The following NPHP4 variants were observed in gnomAD, a reference collection of about 807,000 sequenced individuals.
The protein encoded by NPHP4 is nephrocystin-4.
In NPHP4, 151 loss-of-function variants were observed where a neutral mutation model predicts 155.8. The ratio of observed to expected loss-of-function variants is 0.97; its 90% CI spans 0.85 to 1.11. NPHP4 has a LOEUF of 1.11. Among genes scored for constraint, NPHP4 ranks in the 50% least tolerant of loss-of-function variants. The pLI, the probability that NPHP4 is intolerant of heterozygous loss-of-function variation, is 0.00. For synonymous variants in NPHP4, 845 were observed against 816.8 expected (o/e 1.03, Z -0.59); for missense variants, 1,956 against 1,925.7 (o/e 1.02, Z -0.29).
chr1:5,963,549 A>G (rs1307789748), intron 5 of NPHP4, among the ~76,000 whole-genome samples: 3 of 152,194 alleles, frequency 2.0e-5, no homozygotes, highest in East Asian at 3.8e-4. Context: ...GGCGGGGCAC[A>G]CAGGAGAAAT....
intron 29 of NPHP4, 79 bp downstream of exon 29, chr1:5,863,811 C>T (rs1640891559): frequency 3.4e-6 from 5 of 1,481,058 alleles, no homozygotes; most frequent in Non-Finnish European, 3.8e-6. Flanking sequence ...GAGGAACTCG[C>T]TCCTAAATGC....
At chr1:5,886,696 A>T (rs893290276) in intron 18 of NPHP4, 1 of 152,334 alleles carries the variant, frequency 6.6e-6, no homozygotes, top group African/African-American at 2.4e-5. Context: ...CCCCTATCCC[A>T]GCATAGGCCT....
At chr1:5,901,874 A>T (rs533866161) in intron 16 of NPHP4, among the ~76,000 whole-genome samples, 29 of 152,268 alleles carry the variant, frequency 1.9e-4, no homozygotes, top group Middle Eastern at 3.4e-3. Flanking sequence ...CCTCAGGAGG[A>T]CTGAAAAAGG....
intron 25 of NPHP4, 113 bp downstream of exon 25, chr1:5,866,917 A>G: frequency 1.3e-6 from 1 of 792,770 alleles, no homozygotes. Flanking sequence ...GAAAGAAACC[A>G]CTTAGCAGAA....
At chr1:5,967,245 C>G in intron 5 of NPHP4, 54 bp downstream of exon 5, 3 of 1,377,726 alleles carry the variant, frequency 2.2e-6, no homozygotes, top group Non-Finnish European at 3.0e-6. Context: ...GTGGGGAACA[C>G]TCAGGGAAGG....
Position 5,880,398 on chromosome 1 carries a change from G to A in NPHP4, c.2486-159C>T, listed in dbSNP as rs1362911725. 7.2e-6 allele frequency: 5 copies of A among 691,438 alleles called. No homozygotes were observed. In the East Asian group the frequency reaches 1.4e-4, roughly 19 times the overall value. 42.8% of individuals were successfully genotyped at this position (691,438 alleles called of 1,614,324 possible). On this transcript the variant is annotated intron_variant, in intron 18 of 29. Transcript: ENST00000378156. ...TCTGTTTTGAATGTTTTGCAATTGA[G>A]AGACAGGTGGGAGCTCGTTCTGCTG...
chr1:5,977,001 T>C (rs1053688148), intron 3 of NPHP4, among the ~76,000 whole-genome samples: 5 of 152,136 alleles, frequency 3.3e-5, no homozygotes, highest in African/African-American at 1.2e-4. Context: ...ACCAGGCCTC[T>C]TGGGGCCTCC....
At chr1:5,938,269 C>A (rs1275559100) in intron 9 of NPHP4, among the ~76,000 whole-genome samples, 1 of 152,194 alleles carries the variant, frequency 6.6e-6, no homozygotes, top group African/African-American at 2.4e-5. Context: ...GCCCTTGAGG[C>A]GAACTTCACA....
At chr1:5,989,589 GCTTTAGCAA>G in intron 1 of NPHP4, among the ~76,000 whole-genome samples, 1 of 152,334 alleles carries the variant, frequency 6.6e-6, no homozygotes. Context: ...CCAAACAGAA[GCTTTAGCAA>G]AGCTACCCTC....
At chr1:5,931,489 C>T (rs1008880748) in intron 10 of NPHP4, among the ~76,000 whole-genome samples, 6 of 151,600 alleles carry the variant, frequency 4.0e-5, no homozygotes, top group African/African-American at 1.5e-4. Context: ...TCTGCAATCC[C>T]AGCACTTTGA....
At chr1:5,918,400 T>G (rs939490616) in intron 11 of NPHP4, among the ~76,000 whole-genome samples, 6 of 152,172 alleles carry the variant, frequency 3.9e-5, no homozygotes, top group African/African-American at 1.4e-4. Flanking sequence ...GGGTAAAAGA[T>G]GTACTTGGAA....
At chr1:5,955,029 GAA>G (rs1004499015) in intron 6 of NPHP4, among the ~76,000 whole-genome samples, 1 of 131,956 alleles carries the variant, frequency 7.6e-6, no homozygotes. Context: ...CAACTCAACA[GAA>G]AAAAAAAAAA....
At position 5,901,351 on chromosome 1, in the gene NPHP4, G is replaced by A. The variant is rs115932117; in HGVS notation, c.2143+3266C>T. On this transcript the variant is annotated intron_variant, in intron 16 of 29. Transcript: ENST00000378156. ...ACCAAGGCCCTAGGGAACCATGCCC[G>A]TCCAGGGAGAACCCTCCCACAAGCT... Among the ~76,000 whole-genome samples, 295 of 152,328 alleles carry A rather than the reference G, an allele frequency of 1.9e-3. 3 individuals carry two copies. Among genetic ancestry groups the A allele is most frequent in the African/African-American group, 6.8e-3 (282 of 41,572 alleles).
chr1:5,863,397 A>AC lies in NPHP4; in HGVS notation c.4148dup (p.Gly1384TrpfsTer13). On this transcript the variant is annotated frameshift_variant, in exon 30 of 30. Coordinates refer to ENST00000378156, the MANE Select transcript of NPHP4 (RefSeq NM_015102.5). LOFTEE classifies it high-confidence loss of function. Reference sequence around the variant, plus strand: ...GCAAGCCGATGGTGTAGGTCTCTCCACCCCCGACCTGGAAATAAGCATCCA... The same window carrying AC: ...GCAAGCCGATGGTGTAGGTCTCTCCACCCCCCGACCTGGAAATAAGCATCCA... 6.3e-7 allele frequency: 1 copy of AC among 1,595,234 alleles called. No homozygotes were observed. The highest frequency in any genetic ancestry group is 8.6e-7 in the Non-Finnish European group (1 of 1,169,286).
Position 5,890,859 on chromosome 1 carries a change from A to G in NPHP4, c.2304+9T>C. Reference sequence around the variant, plus strand: ...ACCCACTGTGCCTGTCCTTCCAGAGAGCCGCTACCTTCATCTGGACGGCAG... The same window carrying G: ...ACCCACTGTGCCTGTCCTTCCAGAGGGCCGCTACCTTCATCTGGACGGCAG... On this transcript the variant is annotated intron_variant, in intron 17 of 29. Coordinates refer to ENST00000378156, the MANE Select transcript of NPHP4 (RefSeq NM_015102.5). This position sits in a 1 kb window ranked among gnomAD's most constrained non-coding sequence, Gnocchi z 4.9. 1.2e-6 allele frequency: 2 copies of G among 1,605,186 alleles called. No homozygotes were observed. Among genetic ancestry groups the G allele is most frequent in the Non-Finnish European group, 1.7e-6 (2 of 1,174,344 alleles).
At chr1:5,978,132 C>T in intron 3 of NPHP4, 138 bp downstream of exon 3, 1 of 754,744 alleles carries the variant, frequency 1.3e-6, no homozygotes, top group South Asian at 1.8e-5. Context: ...AGACTAAGCT[C>T]TGTGCTGCCT....
chr1:5,934,739 G>C (rs1043448807), intron 9 of NPHP4, among the ~76,000 whole-genome samples: 1 of 152,198 alleles, frequency 6.6e-6, no homozygotes, highest in Admixed American at 6.5e-5. Flanking sequence ...CCCGGAAGGA[G>C]GACGCGTCCC....
At chr1:5,970,214 A>G (rs1652313123) in intron 3 of NPHP4, among the ~76,000 whole-genome samples, 1 of 152,128 alleles carries the variant, frequency 6.6e-6, no homozygotes, top group Non-Finnish European at 1.5e-5. Context: ...TATTTAAAAT[A>G]ATTAAGGGGC....
At chr1:5,874,705 C>G in intron 21 of NPHP4, 48 bp from the exon 22 acceptor site, 1 of 1,589,440 alleles carries the variant, frequency 6.3e-7, no homozygotes, top group Non-Finnish European at 8.6e-7. Context: ...CCCAGGAGGA[C>G]CCACAGGAGG....
Sources: gnomAD v4.1 joint callset for allele counts (sites outside exome capture counted in the v4.1 genomes callset) on GRCh38, gnomAD v4.1.1 for gene constraint, Gnocchi (gnomAD v3.1) non-coding constraint, MANE v1.5 for transcripts, NCBI Gene and HGNC (gene_info 2026-07-23, HGNC 2026-07-21) for gene names.